The following CELF2 variants were observed in gnomAD, a reference collection of about 807,000 sequenced individuals.
CELF2 encodes CUGBP Elav-like family member 2.
A neutral mutation model predicts 62.6 loss-of-function variants in CELF2; 8 were observed. The ratio of observed to expected loss-of-function variants is 0.13; its 90% CI spans 0.07 to 0.23. The LOEUF (loss-of-function observed/expected upper bound fraction) is 0.23. Among genes scored for constraint, CELF2 ranks in the 10% least tolerant of loss-of-function variants. The probability of loss-of-function intolerance (pLI) is 1.00; values close to 1 mark genes in which losing one functional copy is unlikely to be tolerated. For missense variants in CELF2, 333 were observed against 671.0 expected (o/e 0.50, Z 5.56); for synonymous variants, 258 against 250.0 (o/e 1.03, Z -0.30).
intron 1 of CELF2, among the ~76,000 whole-genome samples, chr10:10,903,871 A>G (rs1271665128): frequency 1.3e-5 from 2 of 152,212 alleles, no homozygotes; most frequent in Non-Finnish European, 2.9e-5. Flanking sequence ...TGGGGAGGCC[A>G]GCTGATCCCC....
chr10:11,319,977 T>C lies in CELF2; in HGVS notation c.1097-1212T>C, dbSNP rs1027525473. ...TAGCTGTCCTCCATTCTCATTAGAC[T>C]TCTTACCTATTTTTTCAGTTAGCCA... On this transcript the variant is annotated intron_variant, in intron 10 of 12. Coordinates refer to ENST00000633077, the MANE Select transcript of CELF2 (RefSeq NM_001326342.2). This position sits in a 1 kb window ranked among gnomAD's most constrained non-coding sequence, Gnocchi z 4.4. 8 of 401,284 alleles carry C rather than the reference T, an allele frequency of 2.0e-5. No individual in the cohort carries two copies. Among genetic ancestry groups the C allele is most frequent in the Admixed American group, 8.9e-5 (3 of 33,782 alleles). 24.9% of individuals were successfully genotyped at this position (401,284 alleles called of 1,614,324 possible).
chr10:10,490,968 T>C, the CELF2 span, among the ~76,000 whole-genome samples: 1 of 152,090 alleles, frequency 6.6e-6, no homozygotes, highest in Non-Finnish European at 1.5e-5. Context: ...GAGGAGCAAA[T>C]GGTATGAAGT....
chr10:10,593,985 A>T, the CELF2 span, among the ~76,000 whole-genome samples: 4 of 152,218 alleles, frequency 2.6e-5, no homozygotes, highest in African/African-American at 7.2e-5. Flanking sequence ...AGCACCCATG[A>T]TGCATTAGCC....
chr10:10,713,788 A>G, the CELF2 span, among the ~76,000 whole-genome samples: 1 of 152,184 alleles, frequency 6.6e-6, no homozygotes, highest in African/African-American at 2.4e-5. Context: ...TATTCCCAGC[A>G]CTTTAGGAGG....
At chr10:10,476,743 A>G in the CELF2 span, among the ~76,000 whole-genome samples, 2 of 152,266 alleles carry the variant, frequency 1.3e-5, no homozygotes, top group East Asian at 1.9e-4. Context: ...GAACCTTTGC[A>G]TATTCTTCAA....
the CELF2 span, among the ~76,000 whole-genome samples, chr10:10,676,242 G>GT: frequency 2.8e-4 from 42 of 152,266 alleles, 1 homozygote; most frequent in South Asian, 8.3e-4. Context: ...CTAGAGTTGA[G>GT]TTTTTTCCTT....
At chr10:10,700,921 A>T in the CELF2 span, among the ~76,000 whole-genome samples, 1 of 152,158 alleles carries the variant, frequency 6.6e-6, no homozygotes, top group South Asian at 2.1e-4. Flanking sequence ...GGGAGATTGG[A>T]GGTGACCTCT....
At chr10:10,650,184 G>C in the CELF2 span, among the ~76,000 whole-genome samples, 1 of 152,098 alleles carries the variant, frequency 6.6e-6, no homozygotes, top group African/African-American at 2.4e-5. Flanking sequence ...TGAGACAATC[G>C]AGGGAAATTA....
chr10:10,733,120 A>C, the CELF2 span, among the ~76,000 whole-genome samples: 1 of 152,096 alleles, frequency 6.6e-6, no homozygotes, highest in African/African-American at 2.4e-5. Context: ...TGAAGACCAC[A>C]CTTTTCAGGG....
chr10:10,490,763 G>A, the CELF2 span, among the ~76,000 whole-genome samples: 2 of 152,020 alleles, frequency 1.3e-5, no homozygotes, highest in Non-Finnish European at 2.9e-5. Flanking sequence ...TCTAAACCCC[G>A]CTAAGTAAAC....
chr10:10,828,862 G>A (rs2057622408), intron 1 of CELF2, among the ~76,000 whole-genome samples: 1 of 152,178 alleles, frequency 6.6e-6, no homozygotes, highest in Non-Finnish European at 1.5e-5. Flanking sequence ...AGGAATGCAT[G>A]ATCCCACTGA....
intron 1 of CELF2, among the ~76,000 whole-genome samples, chr10:10,883,673 C>T (rs9424106): frequency 0.15 from 22,856 of 152,036 alleles, 2,191 homozygotes; most frequent in Non-Finnish European, 0.22. Flanking sequence ...TGTACTGAGA[C>T]GGTGCGGAGT....
At chr10:11,032,621 A>G (rs1351219086) in intron 1 of CELF2, among the ~76,000 whole-genome samples, 1 of 152,216 alleles carries the variant, frequency 6.6e-6, no homozygotes, top group Non-Finnish European at 1.5e-5. Flanking sequence ...TTTACAATCT[A>G]CGTGGTATCT....
chr10:11,301,065 A>G (rs1183624347), intron 9 of CELF2, among the ~76,000 whole-genome samples: 2 of 152,208 alleles, frequency 1.3e-5, no homozygotes, highest in African/African-American at 4.8e-5. Flanking sequence ...TTTCTGGGAC[A>G]GACTTAACGC....
At chr10:11,114,580 A>C (rs893328734) in intron 1 of CELF2, among the ~76,000 whole-genome samples, 1 of 152,252 alleles carries the variant, frequency 6.6e-6, no homozygotes, top group Non-Finnish European at 1.5e-5. Flanking sequence ...TGGAATATCA[A>C]TGCAGTCAAA....
chr10:10,650,253 G>T, the CELF2 span, among the ~76,000 whole-genome samples: 4 of 152,188 alleles, frequency 2.6e-5, no homozygotes, highest in African/African-American at 9.7e-5. Context: ...ATTATCATGA[G>T]CATTGACTTG....
At chr10:10,912,064 C>T (rs2063858205) in intron 1 of CELF2, among the ~76,000 whole-genome samples, 1 of 152,180 alleles carries the variant, frequency 6.6e-6, no homozygotes, top group African/African-American at 2.4e-5. Context: ...TCACCTGTTT[C>T]ATACAGCAGG....
At chr10:10,728,605 AT>A in the CELF2 span, among the ~76,000 whole-genome samples, 6 of 152,276 alleles carry the variant, frequency 3.9e-5, no homozygotes, top group African/African-American at 1.4e-4. Context: ...TTATGGTTAC[AT>A]GGTGAATAGG....
chr10:11,185,096 T>G (rs904129183), intron 2 of CELF2, among the ~76,000 whole-genome samples: 2 of 152,360 alleles, frequency 1.3e-5, no homozygotes, highest in East Asian at 3.9e-4. Context: ...ATTAGATTTT[T>G]TTTAATGTTT....
Sources: allele counts gnomAD v4.1 joint callset (sites outside exome capture counted in the v4.1 genomes callset), GRCh38; gene constraint gnomAD v4.1.1; non-coding constraint Gnocchi (gnomAD v3.1); transcripts MANE v1.5; gene names NCBI Gene and HGNC (gene_info 2026-07-23, HGNC 2026-07-21).